SAMD5: variants seen among roughly 807,000 people sequenced by gnomAD.
The protein encoded by SAMD5 is sterile alpha motif domain-containing protein 5.
SAMD5 carries 13 observed loss-of-function variants against 11.3 expected under a neutral mutation model. The observed-to-expected ratio is 1.15, with a 90% confidence interval of 0.75 to 1.83. SAMD5 has a LOEUF of 1.83. Ranked by LOEUF, SAMD5 falls within the 40% of genes most tolerant of loss-of-function variation. The pLI is 0.00. For missense variants in SAMD5, 255 were observed against 239.1 expected (o/e 1.07, Z -0.44); for synonymous variants, 129 against 111.3 (o/e 1.16, Z -1.00).
intron 1 of SAMD5, among the ~76,000 whole-genome samples, chr6:147,713,352 C>A (rs1049053521): frequency 6.6e-6 from 1 of 152,044 alleles, no homozygotes; most frequent in Non-Finnish European, 1.5e-5. Flanking sequence ...ATTTATATAC[C>A]CTGGGTTCCA....
the SAMD5 span, among the ~76,000 whole-genome samples, chr6:147,836,892 A>G: frequency 2.0e-5 from 3 of 152,374 alleles, no homozygotes; most frequent in East Asian, 1.9e-4. Flanking sequence ...TGAAGTTTAT[A>G]TAAAAATTCT....
chr6:147,906,906 A>G, the SAMD5 span, among the ~76,000 whole-genome samples: 1 of 152,054 alleles, frequency 6.6e-6, no homozygotes, highest in Non-Finnish European at 1.5e-5. Flanking sequence ...TAGCTTGAGG[A>G]TTTAGGTGGC....
At chr6:147,538,726 T>A (rs942719801) in intron 1 of SAMD5, among the ~76,000 whole-genome samples, 1 of 152,238 alleles carries the variant, frequency 6.6e-6, no homozygotes, top group African/African-American at 2.4e-5. Flanking sequence ...CCTTAAAGCA[T>A]TTAGCAAATC....
the SAMD5 span, among the ~76,000 whole-genome samples, chr6:147,776,021 C>T: frequency 3.3e-5 from 5 of 151,978 alleles, no homozygotes; most frequent in South Asian, 2.1e-4. Context: ...TGCTGGAAAC[C>T]GAGTAGTAGC....
chr6:147,569,998 A>G lies in SAMD5; in HGVS notation c.*5542A>G, dbSNP rs781447384. 1.0e-4 allele frequency: 99 copies of G among 984,688 alleles called. No individual in the cohort carries two copies. Among genetic ancestry groups the G allele is most frequent in the Non-Finnish European group, 1.2e-4 (96 of 829,298 alleles). 61.0% of individuals were successfully genotyped at this position (984,688 alleles called of 1,614,324 possible). On this transcript the variant is annotated 3_prime_UTR_variant, in exon 2 of 2. Transcript: ENST00000367474. ...TTTGCAAACATATGTCCGCTCTTCA[A>G]TAAATGTTACGGCTTTCACAGCGGT...
the SAMD5 span, among the ~76,000 whole-genome samples, chr6:147,875,269 G>T: frequency 6.6e-6 from 1 of 152,100 alleles, no homozygotes; most frequent in South Asian, 2.1e-4. Context: ...TATGTGATTA[G>T]AATGCCCAGT....
chr6:147,548,811 A>T (rs753985052), intron 1 of SAMD5, among the ~76,000 whole-genome samples: 5 of 152,112 alleles, frequency 3.3e-5, no homozygotes, highest in Non-Finnish European at 5.9e-5. Flanking sequence ...CTTTCTCCCC[A>T]TGAAAATGAA....
chr6:147,726,343 A>G (rs989127505), intron 1 of SAMD5, among the ~76,000 whole-genome samples: 2 of 152,274 alleles, frequency 1.3e-5, no homozygotes, highest in Admixed American at 6.5e-5. Context: ...TCTTTGCACC[A>G]GACATTGTAC....
chr6:147,786,508 T>C, the SAMD5 span, among the ~76,000 whole-genome samples: 2 of 152,230 alleles, frequency 1.3e-5, no homozygotes, highest in African/African-American at 4.8e-5. Context: ...CAGAATATAT[T>C]GTGCATACCT....
intron 1 of SAMD5, among the ~76,000 whole-genome samples, chr6:147,731,232 T>C (rs1791708548): frequency 1.3e-5 from 2 of 152,146 alleles, no homozygotes; most frequent in Non-Finnish European, 1.5e-5. Flanking sequence ...ATCTCCCCAT[T>C]TGAAGTCTAG....
chr6:147,770,985 TAGAA>T, the SAMD5 span, among the ~76,000 whole-genome samples: 1 of 152,228 alleles, frequency 6.6e-6, no homozygotes, highest in Admixed American at 6.5e-5. Flanking sequence ...CATATACTTG[TAGAA>T]AGGGAAGAAT....
Position 147,569,621 on chromosome 6 carries a change from G to C in SAMD5, c.*5165G>C, listed in dbSNP as rs903985709. On this transcript the variant is annotated 3_prime_UTR_variant, in exon 2 of 2. Coordinates refer to ENST00000367474, the MANE Select transcript of SAMD5 (RefSeq NM_001030060.3). ...CAGGGCAAAGTGGTATGTTGACTGG[G>C]ACAAACGTTAGAAATTGTATTGTTC... 2.0e-6 allele frequency: 2 copies of C among 985,178 alleles called. No individual in the cohort carries two copies. The highest frequency in any genetic ancestry group is 2.4e-6 in the Non-Finnish European group (2 of 829,840). The allele number at this position is 985,178 out of a possible 1,614,324, so 61.0% of individuals were successfully genotyped here.
chr6:147,921,566 A>G, the SAMD5 span, among the ~76,000 whole-genome samples: 1 of 152,176 alleles, frequency 6.6e-6, no homozygotes, highest in Non-Finnish European at 1.5e-5. Flanking sequence ...TAAGTCCATC[A>G]TTTTCCATTG....
the SAMD5 span, among the ~76,000 whole-genome samples, chr6:147,744,473 A>C: frequency 6.6e-6 from 1 of 152,214 alleles, no homozygotes; most frequent in African/African-American, 2.4e-5. Context: ...TTATACTGAA[A>C]GAGAAATGAT....
intron 1 of SAMD5, among the ~76,000 whole-genome samples, chr6:147,696,321 A>C (rs1261657899): frequency 6.6e-6 from 1 of 150,638 alleles, no homozygotes; most frequent in Non-Finnish European, 1.5e-5. Context: ...CTAAATTCTT[A>C]ATGTCTGATG....
At chr6:147,671,550 A>C (rs770134409) in intron 1 of SAMD5, among the ~76,000 whole-genome samples, 34 of 152,256 alleles carry the variant, frequency 2.2e-4, no homozygotes, top group Non-Finnish European at 4.0e-4. Flanking sequence ...AATTGTTCCC[A>C]GAATGGCTGA....
chr6:147,900,862 T>C, the SAMD5 span, among the ~76,000 whole-genome samples: 1 of 152,224 alleles, frequency 6.6e-6, no homozygotes, highest in Admixed American at 6.5e-5. Flanking sequence ...TTATTATGAA[T>C]GTTTTGCCTT....
At chr6:147,631,091 G>T (rs565389410) in intron 1 of SAMD5, among the ~76,000 whole-genome samples, 1 of 152,122 alleles carries the variant, frequency 6.6e-6, no homozygotes, top group Non-Finnish European at 1.5e-5. Context: ...GCGGGATTAG[G>T]GGCAGCATGG....
At chr6:147,944,422 C>T in the SAMD5 span, among the ~76,000 whole-genome samples, 1 of 152,116 alleles carries the variant, frequency 6.6e-6, no homozygotes, top group Non-Finnish European at 1.5e-5. Flanking sequence ...GTTTTTAATA[C>T]CATCAGATCT....
Sources: gnomAD v4.1 joint callset for allele counts (sites outside exome capture counted in the v4.1 genomes callset) on GRCh38, gnomAD v4.1.1 for gene constraint, MANE v1.5 for transcripts, NCBI Gene and HGNC (gene_info 2026-07-23, HGNC 2026-07-21) for gene names.